Variants in CNOT10 observed in about 807,000 individuals in gnomAD.
The protein encoded by CNOT10 is CCR4-NOT transcription complex, subunit 10.
In CNOT10, 30 loss-of-function variants were observed where a neutral mutation model predicts 94.6. That is an observed-to-expected ratio of 0.32 (90% CI 0.24 to 0.43). The LOEUF (loss-of-function observed/expected upper bound fraction) is 0.43. Ranked by LOEUF, CNOT10 falls within the 20% of genes least tolerant of loss-of-function variation. CNOT10 has a pLI of 1.00. For missense variants in CNOT10, 759 were observed against 877.2 expected (o/e 0.87, Z 1.70); for synonymous variants, 289 against 301.6 (o/e 0.96, Z 0.43).
At chr3:32,765,468 CATA>C (rs1700622102) in intron 17 of CNOT10, among the ~76,000 whole-genome samples, 1 of 52,312 alleles carries the variant, frequency 1.9e-5, no homozygotes. Flanking sequence ...GCCTGGGCAA[CATA>C]ATGAGACCCT....
At position 32,686,339 on chromosome 3, in the gene CNOT10, A is replaced by G. The variant is rs140757392; in HGVS notation, c.22+857A>G. On this transcript the variant is annotated intron_variant, in intron 1 of 18. Transcript: ENST00000328834. ...AAGTGATGGAACTTAAAATTTTTACAGTGAATTTAATTTAAAATTAAAGAA... is the reference window on the plus strand; with the variant it reads ...AAGTGATGGAACTTAAAATTTTTACGGTGAATTTAATTTAAAATTAAAGAA... Among the ~76,000 whole-genome samples, 104 of 152,364 alleles carry G rather than the reference A, an allele frequency of 6.8e-4. 1 individual carries two copies. In the East Asian group the frequency reaches 0.018, roughly 27 times the overall value.
chr3:32,754,489 A>AAAATATATATAT (rs77878221), intron 13 of CNOT10, among the ~76,000 whole-genome samples: 4 of 70,218 alleles, frequency 5.7e-5, no homozygotes, highest in African/African-American at 3.1e-4. Context: ...AAAAAAAAAA[A>AAAATATATATAT]ATACATATAT....
At chr3:32,696,580 C>A (rs771170764) in intron 1 of CNOT10, among the ~76,000 whole-genome samples, 1 of 152,074 alleles carries the variant, frequency 6.6e-6, no homozygotes, top group African/African-American at 2.4e-5. Flanking sequence ...GCCTTAGAGT[C>A]CAGCTTATCT....
At chr3:32,710,225 A>G (rs991924779) in intron 4 of CNOT10, among the ~76,000 whole-genome samples, 2 of 150,414 alleles carry the variant, frequency 1.3e-5, no homozygotes, top group African/African-American at 4.9e-5. Context: ...TGAACAGAAT[A>G]TATTAATAGT....
At chr3:32,694,697 C>G (rs1471644497) in intron 1 of CNOT10, among the ~76,000 whole-genome samples, 3 of 152,210 alleles carry the variant, frequency 2.0e-5, no homozygotes, top group East Asian at 3.9e-4. Context: ...TCAAGTGATT[C>G]TCCCGCCTCA....
chr3:32,735,623 C>T (rs1465820286), intron 12 of CNOT10, among the ~76,000 whole-genome samples: 1 of 152,078 alleles, frequency 6.6e-6, no homozygotes, highest in East Asian at 1.9e-4. Flanking sequence ...AAGAGAATTA[C>T]TTGAACCCGG....
chr3:32,708,857 C>G, intron 4 of CNOT10, 37 bp downstream of exon 4: 1 of 1,555,520 alleles, frequency 6.4e-7, no homozygotes, highest in South Asian at 1.2e-5. Context: ...TCCCTATCTT[C>G]CCTATACTTG....
chr3:32,750,126 G>A (rs774054636), intron 13 of CNOT10, among the ~76,000 whole-genome samples: 16 of 152,110 alleles, frequency 1.1e-4, no homozygotes, highest in Admixed American at 3.3e-4. Flanking sequence ...TGGGAGGATC[G>A]CTTGGGCCCA....
At position 32,727,889 on chromosome 3, in the gene CNOT10, T is replaced by C. The variant is rs1225629122; in HGVS notation, c.1215+19T>C. 8 of 1,597,776 alleles carry C rather than the reference T, an allele frequency of 5.0e-6. No homozygotes were observed. The African/African-American group carries it at 9.5e-5, about 19-fold the overall frequency. Reference sequence around the variant, plus strand: ...TAAGGGGGTGAGTGCTACTTGGGTATCTTTTTAAACCCTGTCTTCTCCCCA... The same window carrying C: ...TAAGGGGGTGAGTGCTACTTGGGTACCTTTTTAAACCCTGTCTTCTCCCCA... On this transcript the variant is annotated intron_variant, in intron 10 of 18. Transcript: ENST00000328834.
intron 11 of CNOT10, 60 bp downstream of exon 11, chr3:32,733,604 T>TTA (rs1405334781): frequency 2.6e-6 from 3 of 1,143,774 alleles, no homozygotes; most frequent in East Asian, 2.8e-5. Flanking sequence ...ATAATGTTAC[T>TTA]TATATATAAA....
At chr3:32,701,894 G>A (rs949688955) in intron 1 of CNOT10, among the ~76,000 whole-genome samples, 5 of 152,186 alleles carry the variant, frequency 3.3e-5, no homozygotes, top group East Asian at 3.9e-4. Flanking sequence ...CCGGGTTCAC[G>A]CCATTCTCCT....
At chr3:32,747,087 A>C (rs1699733646) in intron 13 of CNOT10, among the ~76,000 whole-genome samples, 1 of 152,070 alleles carries the variant, frequency 6.6e-6, no homozygotes, top group Admixed American at 6.6e-5. Flanking sequence ...ACTGCACTCT[A>C]GCCTGGGCGA....
At chr3:32,745,601 T>G (rs1699663445) in intron 13 of CNOT10, among the ~76,000 whole-genome samples, 1 of 152,226 alleles carries the variant, frequency 6.6e-6, no homozygotes, top group Admixed American at 6.5e-5. Context: ...GCAGCTTTAC[T>G]CCTGGTAGAC....
chr3:32,687,459 T>TTTTTTTTTTTTG (rs1559471779), intron 1 of CNOT10, among the ~76,000 whole-genome samples: 1 of 110,120 alleles, frequency 9.1e-6, no homozygotes, highest in Non-Finnish European at 1.9e-5. Flanking sequence ...TTTGTTTTTT[T>TTTTTTTTTTTTG]TTTTTTTTTT....
intron 18 of CNOT10, among the ~76,000 whole-genome samples, chr3:32,771,596 TC>T (rs1700911010): frequency 6.6e-6 from 1 of 151,990 alleles, no homozygotes; most frequent in Non-Finnish European, 1.5e-5. Context: ...TGAAACCCTG[TC>T]TCAAATAATA....
chr3:32,700,078 T>G (rs1279750845), intron 1 of CNOT10, among the ~76,000 whole-genome samples: 1 of 150,644 alleles, frequency 6.6e-6, no homozygotes, highest in Non-Finnish European at 1.5e-5. Flanking sequence ...CAGGTTCAAG[T>G]GATTCTTCTG....
At chr3:32,686,593 A>G (rs1696610516) in intron 1 of CNOT10, among the ~76,000 whole-genome samples, 1 of 152,210 alleles carries the variant, frequency 6.6e-6, no homozygotes, top group Non-Finnish European at 1.5e-5. Flanking sequence ...TGGTGAGATG[A>G]TATTTGAGCA....
At chr3:32,744,922 G>A (rs907244536) in intron 13 of CNOT10, among the ~76,000 whole-genome samples, 3 of 151,764 alleles carry the variant, frequency 2.0e-5, no homozygotes, top group African/African-American at 7.3e-5. Flanking sequence ...CTTGTCACCC[G>A]GGCTGGAGTG....
intron 8 of CNOT10, 126 bp downstream of exon 8, chr3:32,720,357 T>C (rs1437300785): frequency 4.4e-6 from 2 of 451,836 alleles, no homozygotes; most frequent in African/African-American, 3.9e-5. Flanking sequence ...AATGTTTTAA[T>C]ATTTCTGGTG....
Sources: gnomAD v4.1 joint callset for allele counts (sites outside exome capture counted in the v4.1 genomes callset) on GRCh38, gnomAD v4.1.1 for gene constraint, MANE v1.5 for transcripts, NCBI Gene and HGNC (gene_info 2026-07-23, HGNC 2026-07-21) for gene names.